STAG1: variants seen among roughly 807,000 people sequenced by gnomAD.
The protein encoded by STAG1 is STAG1 cohesin complex component, also known as cohesin subunit SA-1.
Under a neutral mutation model 170.9 loss-of-function variants are expected in STAG1, and 26 were observed. That is an observed-to-expected ratio of 0.15 (90% CI 0.11 to 0.21). The LOEUF (loss-of-function observed/expected upper bound fraction) is 0.21, where lower values mean the gene tolerates loss of function less well. Among genes scored for constraint, STAG1 ranks in the 10% least tolerant of loss-of-function variants. STAG1 has a pLI of 1.00. For missense variants in STAG1, 964 were observed against 1,509.5 expected, an observed-to-expected ratio of 0.64 and a Z score of 5.99; for synonymous variants, 514 against 497.7, an observed-to-expected ratio of 1.03 and a Z score of -0.44.
rs145310398 is a variant in STAG1 at position 136,636,248 on chromosome 3, C to CA, written c.-83-5268dup. 2.6e-3 allele frequency among the ~76,000 whole-genome samples: 340 copies of CA among 133,030 alleles called. 1 individual carries two copies. The highest frequency in any genetic ancestry group is 7.4e-3 in the African/African-American group (266 of 35,978). The allele number at this position is 133,030 out of a possible 152,430, so 87.3% of individuals were successfully genotyped here. ...GGGCACCAAGAAAGAAACTCTGTCT[C>CA]AAAAAAAAAAAAGAAAGAAAAGAAT... is the stretch of plus-strand genomic sequence containing the variant. On this transcript the variant is annotated intron_variant, in intron 1 of 33. Coordinates refer to ENST00000383202, the MANE Select transcript of STAG1 (RefSeq NM_005862.3).
intron 1 of STAG1, among the ~76,000 whole-genome samples, chr3:136,713,539 T>C (rs1231767413): frequency 6.7e-6 from 1 of 149,588 alleles, no homozygotes; most frequent in African/African-American, 2.5e-5. Context: ...GCCGAGATCA[T>C]GCCACTGCAC....
intron 1 of STAG1, among the ~76,000 whole-genome samples, chr3:136,714,907 CAA>C (rs566097796): frequency 2.0e-5 from 1 of 49,674 alleles, no homozygotes; most frequent in Non-Finnish European, 3.8e-5. Context: ...AGCCCCATCT[CAA>C]AAAAAAAAAA....
chr3:136,626,655 A>G (rs1940109754), intron 2 of STAG1, among the ~76,000 whole-genome samples: 1 of 152,220 alleles, frequency 6.6e-6, no homozygotes, highest in South Asian at 2.1e-4. Flanking sequence ...ATTTGTCTCT[A>G]CTAAAGAACA....
At chr3:136,624,216 A>G (rs1452042616) in intron 2 of STAG1, among the ~76,000 whole-genome samples, 1 of 151,778 alleles carries the variant, frequency 6.6e-6, no homozygotes, top group Non-Finnish European at 1.5e-5. Flanking sequence ...CTCCTGCCTC[A>G]GCCTCCCAAG....
At chr3:136,412,747 C>A (rs576061082) in intron 21 of STAG1, among the ~76,000 whole-genome samples, 1 of 151,882 alleles carries the variant, frequency 6.6e-6, no homozygotes, top group African/African-American at 2.4e-5. Flanking sequence ...GGCTCAGAAA[C>A]AATTCCAGGT....
In STAG1 at chr3:136,459,579, A is replaced by G. The variant is rs368309654; in HGVS notation, c.1313+5302T>C. On this transcript the variant is annotated intron_variant, in intron 13 of 33. Transcript: ENST00000383202. ...ACAGTTGCAGAATACTCATTTTTCT[A>G]GTAGCAAATGAAATATTCTCCAGGA... is the stretch of plus-strand genomic sequence containing the variant. Among the ~76,000 whole-genome samples, 30 of 152,340 alleles carry G rather than the reference A, an allele frequency of 2.0e-4. 1 individual carries two copies. The South Asian group carries it at 5.8e-3, about 29-fold the overall frequency.
At chr3:136,555,739 TAAAA>T (rs201611058) in intron 5 of STAG1, among the ~76,000 whole-genome samples, 2 of 144,764 alleles carry the variant, frequency 1.4e-5, no homozygotes, top group African/African-American at 5.1e-5. Flanking sequence ...ATTTAATAGT[TAAAA>T]AAAAAAATCA....
chr3:136,585,729 G>A (rs1937783851), intron 4 of STAG1, among the ~76,000 whole-genome samples: 1 of 152,064 alleles, frequency 6.6e-6, no homozygotes, highest in African/African-American at 2.4e-5. Context: ...ATCCTGTACT[G>A]AGATCAAAGG....
At chr3:136,371,925 C>G (rs545120623) in intron 23 of STAG1, among the ~76,000 whole-genome samples, 2 of 152,182 alleles carry the variant, frequency 1.3e-5, no homozygotes, top group South Asian at 4.1e-4. Context: ...GGATGGCATT[C>G]AATCTATAAA....
chr3:136,729,056 C>G (rs962005864), intron 1 of STAG1, among the ~76,000 whole-genome samples: 6 of 152,224 alleles, frequency 3.9e-5, no homozygotes, highest in African/African-American at 1.4e-4. Context: ...TCTTGGCTCA[C>G]CGCAGCCTCT....
At chr3:136,496,019 C>T (rs185696590) in intron 9 of STAG1, among the ~76,000 whole-genome samples, 22 of 150,798 alleles carry the variant, frequency 1.5e-4, no homozygotes, top group South Asian at 4.2e-4. Context: ...TGGTGCATGC[C>T]TGTAATCCCA....
chr3:136,668,553 G>A lies in STAG1; in HGVS notation c.-83-37572C>T, dbSNP rs1239914476. The stretch of plus-strand genomic sequence containing the variant: ...AGAATGAAAGGAGAAAGCAAGAGGA[G>A]TAAGCATAGAGAAAGCCTTCAGGCT... On this transcript the variant is annotated intron_variant, in intron 1 of 33. Transcript: ENST00000383202. Among the ~76,000 whole-genome samples, 3 of 151,736 alleles carry A rather than the reference G, an allele frequency of 2.0e-5. No homozygotes were observed. In the Admixed American group the frequency reaches 2.0e-4, roughly 10 times the overall value.
chr3:136,503,978 C>T (rs1405173907), intron 7 of STAG1, among the ~76,000 whole-genome samples: 1 of 152,154 alleles, frequency 6.6e-6, no homozygotes, highest in African/African-American at 2.4e-5. Context: ...CTCAGGTGAT[C>T]CGCCCACCTT....
intron 12 of STAG1, among the ~76,000 whole-genome samples, chr3:136,467,595 A>G (rs1311268953): frequency 2.0e-5 from 3 of 152,176 alleles, no homozygotes; most frequent in East Asian, 1.9e-4. Flanking sequence ...CATTAGACAG[A>G]TCGATGAGAC....
chr3:136,594,490 G>A (rs527330885), intron 4 of STAG1, among the ~76,000 whole-genome samples: 4 of 152,242 alleles, frequency 2.6e-5, no homozygotes, highest in Non-Finnish European at 4.4e-5. Context: ...AAAGCAAACA[G>A]AAGACCAAAT....
At chr3:136,346,077 C>T (rs905057667) in intron 29 of STAG1, among the ~76,000 whole-genome samples, 6 of 152,210 alleles carry the variant, frequency 3.9e-5, no homozygotes, top group Admixed American at 6.5e-5. Context: ...TACTACATGT[C>T]ATCTTTTCCA....
At chr3:136,417,763 CAA>C (rs1469444224) in intron 21 of STAG1, 120 bp downstream of exon 21, 36 of 707,126 alleles carry the variant, frequency 5.1e-5, no homozygotes, top group Non-Finnish European at 7.9e-5. Context: ...ATAATTCTCT[CAA>C]AAGAGGCAGC....
At chr3:136,431,227 C>G (rs894194119) in intron 16 of STAG1, among the ~76,000 whole-genome samples, 1 of 151,552 alleles carries the variant, frequency 6.6e-6, no homozygotes, top group Non-Finnish European at 1.5e-5. Flanking sequence ...TTCATTCCTT[C>G]TTGTGGATTT....
At chr3:136,359,504 A>G (rs1392153162) in intron 26 of STAG1, among the ~76,000 whole-genome samples, 1 of 152,200 alleles carries the variant, frequency 6.6e-6, no homozygotes, top group Non-Finnish European at 1.5e-5. Flanking sequence ...GATTAAATGC[A>G]GACAGAAATT....
Sources: gnomAD v4.1 joint callset for allele counts (sites outside exome capture counted in the v4.1 genomes callset) on GRCh38, gnomAD v4.1.1 for gene constraint, MANE v1.5 for transcripts, NCBI Gene and HGNC (gene_info 2026-07-23, HGNC 2026-07-21) for gene names.